The following RPS6KA5 variants were observed in gnomAD, a reference collection of about 807,000 sequenced individuals.
RPS6KA5 encodes the protein ribosomal protein S6 kinase alpha-5.
Under a neutral mutation model 85.5 loss-of-function variants are expected in RPS6KA5, and 27 were observed. The ratio of observed to expected loss-of-function variants is 0.32; its 90% CI spans 0.23 to 0.44. RPS6KA5 has a LOEUF of 0.44. Among genes scored for constraint, RPS6KA5 ranks in the 20% least tolerant of loss-of-function variants. The pLI, the probability that RPS6KA5 is intolerant of heterozygous loss-of-function variation, is 1.00. For missense variants in RPS6KA5, 811 were observed against 980.9 expected (o/e 0.83, Z 2.31); for synonymous variants, 334 against 348.2 (o/e 0.96, Z 0.46).
chr14:90,961,401 T>C (rs2038788415), intron 3 of RPS6KA5, among the ~76,000 whole-genome samples: 1 of 152,158 alleles, frequency 6.6e-6, no homozygotes, highest in Non-Finnish European at 1.5e-5. Context: ...AGAGCTGCTC[T>C]TTTCCCCTTT....
chr14:90,852,092 T>TTTTC lies in RPS6KA5; in HGVS notation c.*19981_*19982insGAAA, dbSNP rs1282199983. On this transcript the variant is annotated 3_prime_UTR_variant, in exon 17 of 17. Coordinates refer to ENST00000614987, the MANE Select transcript of RPS6KA5 (RefSeq NM_004755.4). The stretch of plus-strand genomic sequence containing the variant: ...TTTCTTTAAAAAATCACTTTTTTTT[T>TTTTC]TTTTTTTTTTTTTTTAAGACGGAGT... 7.1e-6 allele frequency: 1 copy of TTTTC among 140,490 alleles called. No individual in the cohort carries two copies. Among genetic ancestry groups the TTTTC allele is most frequent in the East Asian group, 2.1e-4 (1 of 4,866 alleles). 8.7% of individuals were successfully genotyped at this position (140,490 alleles called of 1,614,324 possible).
At chr14:90,907,989 T>C (rs900895854) in intron 7 of RPS6KA5, among the ~76,000 whole-genome samples, 3 of 152,120 alleles carry the variant, frequency 2.0e-5, no homozygotes, top group Non-Finnish European at 4.4e-5. Context: ...TGAATTAGGG[T>C]AGAAATATAT....
chr14:90,947,333 T>C (rs1267295814), intron 4 of RPS6KA5, 102 bp downstream of exon 4: 2 of 632,184 alleles, frequency 3.2e-6, no homozygotes, highest in East Asian at 5.3e-5. Flanking sequence ...TTTCATAATC[T>C]CCACTAAGAC....
At chr14:91,060,050 G>C in intron 1 of RPS6KA5, 1 of 985,448 alleles carries the variant, frequency 1.0e-6, no homozygotes, top group Non-Finnish European at 1.2e-6. Context: ...GACATCCTCG[G>C]AGGTGCGTGC....
chr14:90,984,479 AG>A (rs2039973739), intron 2 of RPS6KA5, among the ~76,000 whole-genome samples: 1 of 152,246 alleles, frequency 6.6e-6, no homozygotes, highest in Non-Finnish European at 1.5e-5. Flanking sequence ...AGAACACTGC[AG>A]ACATCTTATG....
chr14:90,908,330 C>A (rs1007936215), intron 7 of RPS6KA5, among the ~76,000 whole-genome samples: 2 of 152,166 alleles, frequency 1.3e-5, no homozygotes, highest in African/African-American at 2.4e-5. Context: ...GAAAGCATGT[C>A]GGCGGAAAAC....
intron 3 of RPS6KA5, among the ~76,000 whole-genome samples, chr14:90,964,154 T>G (rs2038943564): frequency 6.6e-6 from 1 of 152,160 alleles, no homozygotes; most frequent in African/African-American, 2.4e-5. Context: ...TTTCTGATAA[T>G]AAAAATAATG....
At chr14:90,938,386 T>C (rs1190323052) in intron 5 of RPS6KA5, among the ~76,000 whole-genome samples, 1 of 152,154 alleles carries the variant, frequency 6.6e-6, no homozygotes, top group Non-Finnish European at 1.5e-5. Context: ...GTGCGAGCTG[T>C]TGGTGGATCT....
intron 1 of RPS6KA5, among the ~76,000 whole-genome samples, chr14:91,022,469 A>G (rs545088590): frequency 6.6e-6 from 1 of 152,288 alleles, no homozygotes; most frequent in South Asian, 2.1e-4. Flanking sequence ...TGTCTTTCCA[A>G]TAAATATCAG....
At chr14:90,925,941 C>CAAAAGAAAAAA (rs2036637667) in intron 5 of RPS6KA5, among the ~76,000 whole-genome samples, 1 of 73,526 alleles carries the variant, frequency 1.4e-5, no homozygotes, top group African/African-American at 5.6e-5. Flanking sequence ...GACCCTGACT[C>CAAAAGAAAAAA]AAAAAAAAAA....
chr14:90,928,801 C>T (rs1277041916), intron 5 of RPS6KA5, among the ~76,000 whole-genome samples: 2 of 150,104 alleles, frequency 1.3e-5, no homozygotes, highest in Non-Finnish European at 3.0e-5. Flanking sequence ...CCACACAAAC[C>T]TTTAGAAGAA....
Position 90,854,729 on chromosome 14 carries a change from TA to T in RPS6KA5, c.*17344del, listed in dbSNP as rs540958644. 963 of 152,312 alleles carry T rather than the reference TA, an allele frequency of 6.3e-3. 13 individuals are homozygous for T. The highest frequency in any genetic ancestry group is 0.022 in the African/African-American group (908 of 41,566). The allele number at this position is 152,312 out of a possible 1,614,324, so 9.4% of individuals were successfully genotyped here. On this transcript the variant is annotated 3_prime_UTR_variant, in exon 17 of 17. Coordinates refer to ENST00000614987, the MANE Select transcript of RPS6KA5 (RefSeq NM_004755.4). ...TATCTTCTAAGCCCATTCTTATTTT[TA>T]AAAATATGTACAACTAGACTAATGA...
At chr14:90,882,773 T>C (rs1566686444) in intron 14 of RPS6KA5, among the ~76,000 whole-genome samples, 1 of 152,070 alleles carries the variant, frequency 6.6e-6, no homozygotes. Context: ...AGATCACTTG[T>C]ATGTGTGGAA....
At chr14:90,912,437 C>G (rs555500450) in intron 7 of RPS6KA5, among the ~76,000 whole-genome samples, 7 of 152,142 alleles carry the variant, frequency 4.6e-5, no homozygotes, top group Admixed American at 1.3e-4. Flanking sequence ...GTATTTGATC[C>G]CAGTCCAACC....
At chr14:90,978,610 CAA>C in intron 2 of RPS6KA5, 86 bp from the exon 3 acceptor site, 5 of 965,952 alleles carry the variant, frequency 5.2e-6, no homozygotes, top group Non-Finnish European at 7.5e-6. Context: ...ATTTAATGCA[CAA>C]AAAATACACT....
chr14:90,899,984 G>T, intron 11 of RPS6KA5, 124 bp downstream of exon 11: 1 of 683,932 alleles, frequency 1.5e-6, no homozygotes, highest in Non-Finnish European at 2.2e-6. Flanking sequence ...GATGAGCCAA[G>T]TGGTTAAACC....
chr14:91,015,473 A>C (rs1035748159), intron 1 of RPS6KA5, among the ~76,000 whole-genome samples: 1 of 152,200 alleles, frequency 6.6e-6, no homozygotes, highest in Non-Finnish European at 1.5e-5. Context: ...TACACTTTTC[A>C]TACAAGATAT....
At chr14:90,924,108 A>G (rs1418543717) in intron 5 of RPS6KA5, among the ~76,000 whole-genome samples, 1 of 152,122 alleles carries the variant, frequency 6.6e-6, no homozygotes, top group Non-Finnish European at 1.5e-5. Context: ...TTTGATAGAA[A>G]TTCCAGAATA....
intron 2 of RPS6KA5, among the ~76,000 whole-genome samples, chr14:90,998,181 T>C (rs1475008670): frequency 6.6e-6 from 1 of 152,164 alleles, no homozygotes; most frequent in African/African-American, 2.4e-5. Context: ...AAAAGTCAGT[T>C]AGTGGTTGTT....
Sources: gnomAD v4.1 joint callset for allele counts (sites outside exome capture counted in the v4.1 genomes callset) on GRCh38, gnomAD v4.1.1 for gene constraint, MANE v1.5 for transcripts, NCBI Gene and HGNC (gene_info 2026-07-23, HGNC 2026-07-21) for gene names.